Variants in ALOX5 observed in about 807,000 individuals in gnomAD.
ALOX5 encodes the protein arachidonate 5-lipoxygenase, also known as polyunsaturated fatty acid 5-lipoxygenase.
A neutral mutation model predicts 87.9 loss-of-function variants in ALOX5; 64 were observed. The observed-to-expected ratio is 0.73, with a 90% confidence interval of 0.60 to 0.90. The LOEUF is 0.90. ALOX5 is among the 40% of genes least tolerant of loss of function. ALOX5 has a pLI of 0.00. For synonymous variants in ALOX5, 388 were observed against 355.1 expected, an observed-to-expected ratio of 1.09 and a Z score of -1.04; for missense variants, 822 against 907.5, an observed-to-expected ratio of 0.91 and a Z score of 1.21.
At chr10:45,407,464 A>G (rs7894352) in intron 3 of ALOX5, among the ~76,000 whole-genome samples, 124,949 of 151,664 alleles carry the variant, frequency 0.82, 51,749 homozygotes, top group African/African-American at 0.89. Flanking sequence ...CATTTTAGGA[A>G]ATTTATTTGC....
intron 7 of ALOX5, among the ~76,000 whole-genome samples, chr10:45,436,986 T>G (rs952443035): frequency 1.3e-5 from 2 of 152,202 alleles, no homozygotes; most frequent in African/African-American, 4.8e-5. Context: ...TGGGGGACTA[T>G]TGTAACTGAG....
chr10:45,391,051 C>CCCTTT (rs1564416444), intron 2 of ALOX5, among the ~76,000 whole-genome samples: 12 of 93,164 alleles, frequency 1.3e-4, no homozygotes, highest in Non-Finnish European at 2.3e-4. Flanking sequence ...TCTCCCCTCT[C>CCCTTT]CCCTCTCCCT....
intron 9 of ALOX5, among the ~76,000 whole-genome samples, chr10:45,442,097 C>A (rs1247174852): frequency 6.6e-6 from 1 of 152,180 alleles, no homozygotes; most frequent in African/African-American, 2.4e-5. Context: ...ACAAGACATG[C>A]CTTATCTCAA....
rs200816253 is a variant in ALOX5 at position 45,425,111 on chromosome 10, C to T, written c.813C>T (p.Leu271=). ...EMVECSLERQ[L]SLEQEVQQGN... is the part of the protein sequence containing the mutation. ...TAGAGTGCAGCCTGGAGCGGCAGCTCAGCTTGGAGCAGGAGGTCCAGGTAG... is the reference window on the plus strand; with the variant it reads ...TAGAGTGCAGCCTGGAGCGGCAGCTTAGCTTGGAGCAGGAGGTCCAGGTAG... The change falls in exon 6 of 14, where the codon CTC becomes CTT. Residue 271 remains leucine, a synonymous_variant. Transcript: ENST00000374391. The surrounding 1 kb of genome is among the most constrained non-coding windows in gnomAD (Gnocchi z 4.4). 2.2e-5 allele frequency: 35 copies of T among 1,613,818 alleles called. No individual in the cohort carries two copies. The Admixed American group carries it at 3.8e-4, about 18-fold the overall frequency.
intron 4 of ALOX5, among the ~76,000 whole-genome samples, chr10:45,419,081 G>A (rs1841405309): frequency 6.6e-6 from 1 of 152,206 alleles, no homozygotes; most frequent in South Asian, 2.1e-4. Flanking sequence ...TGAAGGCGCC[G>A]TAGGAAACGC....
chr10:45,427,550 C>T (rs1387311564), intron 6 of ALOX5, among the ~76,000 whole-genome samples: 1 of 152,212 alleles, frequency 6.6e-6, no homozygotes, highest in African/African-American at 2.4e-5. Flanking sequence ...CCGGGCAGCC[C>T]GGGGGTCCTG....
intron 13 of ALOX5, 157 bp downstream of exon 13, chr10:45,444,443 G>A: frequency 1.9e-6 from 2 of 1,047,692 alleles, no homozygotes; most frequent in Non-Finnish European, 2.7e-6. Context: ...GCCGCCACCA[G>A]GTCCCCCGGC....
chr10:45,374,895 AGCCAGCTGTGAGC>A (rs1336771859), intron 1 of ALOX5, among the ~76,000 whole-genome samples: 22 of 152,282 alleles, frequency 1.4e-4, no homozygotes, highest in African/African-American at 5.3e-4. Context: ...ACCTCGGAGC[AGCCAGCTGTGAGC>A]CGTGGGGAAG....
intron 2 of ALOX5, among the ~76,000 whole-genome samples, chr10:45,383,352 G>A (rs11239501): frequency 0.11 from 17,344 of 152,300 alleles, 1,404 homozygotes; most frequent in Non-Finnish European, 0.16. Flanking sequence ...CATCAGAGAC[G>A]GACGCAGGCG....
intron 1 of ALOX5, among the ~76,000 whole-genome samples, chr10:45,377,175 T>G (rs756478609): frequency 5.3e-5 from 8 of 152,306 alleles, no homozygotes; most frequent in Non-Finnish European, 1.0e-4. Flanking sequence ...TCATGCTTCT[T>G]AAGTCAGTGA....
intron 1 of ALOX5, 72 bp from the exon 2 acceptor site, chr10:45,382,411 C>A (rs1839862207): frequency 1.3e-6 from 2 of 1,560,372 alleles, no homozygotes; most frequent in African/African-American, 1.4e-5. Context: ...CTTGGGGTGA[C>A]AAATTCTTAA....
chr10:45,398,761 T>C (rs79032236), intron 3 of ALOX5, among the ~76,000 whole-genome samples: 5,148 of 152,148 alleles, frequency 0.034, 308 homozygotes, highest in African/African-American at 0.12. Context: ...AACACCACAA[T>C]GAGATACCAC....
chr10:45,384,973 G>A (rs921500312), intron 2 of ALOX5, among the ~76,000 whole-genome samples: 2 of 152,050 alleles, frequency 1.3e-5, no homozygotes, highest in Admixed American at 6.5e-5. Context: ...CTCCTAGGGA[G>A]CTTGGTTTAC....
chr10:45,412,312 G>T lies in ALOX5; in HGVS notation c.553G>T (p.Ala185Ser). Reference sequence around the variant, plus strand: ...GGACTTTGTTCTGAATTACTCCAAAGCGTAAGTTTACGAGAACTGAGGGAC... The same window carrying T: ...GGACTTTGTTCTGAATTACTCCAAATCGTAAGTTTACGAGAACTGAGGGAC... ...GVDFVLNYSKAMENLFINRFM... is the reference protein window; with the variant it reads ...GVDFVLNYSKSMENLFINRFM... Residue 185 changes from alanine (A) to serine (S), a missense_variant and splice_region_variant, in exon 4 of 14, where the codon GCG (alanine) becomes TCG (serine). Coordinates refer to ENST00000374391, the MANE Select transcript of ALOX5 (RefSeq NM_000698.5). 6.2e-7 allele frequency: 1 copy of T among 1,614,152 alleles called. No homozygotes were observed. The highest frequency in any genetic ancestry group is 8.5e-7 in the Non-Finnish European group (1 of 1,180,006).
chr10:45,374,731 C>G (rs1278567168), intron 1 of ALOX5, among the ~76,000 whole-genome samples: 1 of 152,182 alleles, frequency 6.6e-6, no homozygotes, highest in East Asian at 1.9e-4. Context: ...GGAGAAGGCC[C>G]AAGGTTTCCC....
rs373583247 is a variant in ALOX5 at position 45,443,261 on chromosome 10, C to G, written c.1451+45C>G. ...TGGTCCTGGGGGAGGAGCCGGGACCCCTGCCTGACTACCTGGGGCGGGCCT... is the reference window on the plus strand; with the variant it reads ...TGGTCCTGGGGGAGGAGCCGGGACCGCTGCCTGACTACCTGGGGCGGGCCT... On this transcript the variant is annotated intron_variant, in intron 10 of 13. Transcript: ENST00000374391. The G allele has an allele frequency of 1.9e-6, 3 of 1,595,870 alleles. No individual in the cohort carries two copies. In the South Asian group the frequency reaches 3.4e-5, roughly 18 times the overall value.
intron 3 of ALOX5, among the ~76,000 whole-genome samples, chr10:45,397,224 A>G (rs1029530211): frequency 2.6e-5 from 4 of 152,184 alleles, no homozygotes; most frequent in African/African-American, 9.7e-5. Context: ...ATACTAAAAT[A>G]CAAAAAGTAG....
intron 4 of ALOX5, among the ~76,000 whole-genome samples, chr10:45,420,321 A>C (rs137882665): frequency 6.6e-6 from 1 of 152,248 alleles, no homozygotes; most frequent in African/African-American, 2.4e-5. Context: ...GAAAATTTCA[A>C]TTTTATTTGC....
At chr10:45,419,764 G>C (rs1375884549) in intron 4 of ALOX5, among the ~76,000 whole-genome samples, 1 of 152,274 alleles carries the variant, frequency 6.6e-6, no homozygotes, top group Non-Finnish European at 1.5e-5. Flanking sequence ...TGTAGGGAAG[G>C]AGCGATATCC....
Sources: allele counts gnomAD v4.1 joint callset (sites outside exome capture counted in the v4.1 genomes callset), GRCh38; gene constraint gnomAD v4.1.1; non-coding constraint Gnocchi (gnomAD v3.1); transcripts MANE v1.5; gene names NCBI Gene and HGNC (gene_info 2026-07-23, HGNC 2026-07-21).